The following DOK6 variants were observed in gnomAD, a reference collection of about 807,000 sequenced individuals.
DOK6 encodes the protein downstream of tyrosine kinase 6.
A neutral mutation model predicts 44.0 loss-of-function variants in DOK6; 22 were observed. The ratio of observed to expected loss-of-function variants is 0.50; its 90% confidence interval spans 0.36 to 0.71. The LOEUF is 0.71. Among genes scored for constraint, DOK6 ranks in the 30% least tolerant of loss-of-function variants. DOK6 has a pLI of 0.00. For missense variants in DOK6, 340 were observed against 416.4 expected, an observed-to-expected ratio of 0.82 and a Z score of 1.60; for synonymous variants, 166 against 145.5, an observed-to-expected ratio of 1.14 and a Z score of -1.01.
At chr18:69,797,699 G>C (rs1317204604) in intron 7 of DOK6, among the ~76,000 whole-genome samples, 1 of 151,490 alleles carries the variant, frequency 6.6e-6, no homozygotes, top group Non-Finnish European at 1.5e-5. Context: ...TTTTCTATTT[G>C]ATGTTACAGA....
intron 7 of DOK6, among the ~76,000 whole-genome samples, chr18:69,798,449 G>A (rs1219634465): frequency 1.3e-5 from 2 of 152,024 alleles, no homozygotes; most frequent in African/African-American, 4.8e-5. Flanking sequence ...CTGTATCTGT[G>A]TGTATTTTAA....
intron 1 of DOK6, among the ~76,000 whole-genome samples, chr18:69,522,539 T>G (rs1271056052): frequency 2.0e-5 from 3 of 152,028 alleles, no homozygotes; most frequent in Non-Finnish European, 4.4e-5. Context: ...TTGTCTAAAT[T>G]TTTAGGCTCA....
intron 3 of DOK6, among the ~76,000 whole-genome samples, chr18:69,641,565 T>G (rs1665883581): frequency 6.6e-6 from 1 of 152,210 alleles, no homozygotes; most frequent in Admixed American, 6.5e-5. Flanking sequence ...AAGCTTGTTT[T>G]CATTGCGGTT....
At chr18:69,532,760 G>A (rs1376023343) in intron 1 of DOK6, 2 of 152,278 alleles carry the variant, frequency 1.3e-5, no homozygotes, top group Non-Finnish European at 2.9e-5. Context: ...TCCTCAGGAG[G>A]GTAGTGTGGG....
rs375946593 is a variant in DOK6 at position 69,467,098 on chromosome 18, T to C, written c.66+65788T>C. Among the ~76,000 whole-genome samples, 6 of 152,284 alleles carry C rather than the reference T, an allele frequency of 3.9e-5. 1 individual carries two copies. The South Asian group carries it at 1.2e-3, about 32-fold the overall frequency. On this transcript the variant is annotated intron_variant, in intron 1 of 7. Coordinates refer to ENST00000382713, the MANE Select transcript of DOK6 (RefSeq NM_152721.6). The stretch of plus-strand genomic sequence containing the variant: ...AATTTTTGTAAGGATCAATTCTGTC[T>C]GCATAATATGATACAGGCAAACTAT...
intron 1 of DOK6, 74 bp from the exon 2 acceptor site, chr18:69,564,413 T>C: frequency 7.8e-7 from 1 of 1,284,692 alleles, no homozygotes; most frequent in Non-Finnish European, 1.1e-6. Context: ...AAAAAATTGA[T>C]TAATTGAATC....
At chr18:69,432,103 A>G (rs1172237737) in intron 1 of DOK6, among the ~76,000 whole-genome samples, 1 of 152,228 alleles carries the variant, frequency 6.6e-6, no homozygotes, top group African/African-American at 2.4e-5. Flanking sequence ...ACAATATAGT[A>G]TACAATTAGT....
chr18:69,487,571 T>C (rs1180293561), intron 1 of DOK6, among the ~76,000 whole-genome samples: 1 of 152,208 alleles, frequency 6.6e-6, no homozygotes, highest in Non-Finnish European at 1.5e-5. Flanking sequence ...AAACTTTTAG[T>C]GCTGACTTTA....
intron 7 of DOK6, among the ~76,000 whole-genome samples, chr18:69,773,621 G>A (rs963472794): frequency 6.6e-6 from 1 of 151,982 alleles, no homozygotes; most frequent in African/African-American, 2.4e-5. Flanking sequence ...AATTTATGTG[G>A]AGTATATGAA....
At chr18:69,410,957 C>T (rs1340006295) in intron 1 of DOK6, among the ~76,000 whole-genome samples, 2 of 152,210 alleles carry the variant, frequency 1.3e-5, no homozygotes, top group African/African-American at 4.8e-5. Flanking sequence ...CACCTTGCTC[C>T]TGATATCTAT....
rs2144732337 is a variant in DOK6, at chr18:69,732,361, A to T, written c.600-6604A>T. ...TCCCATTAAACCCTCATTAACATGT[A>T]ACCATATAATAAGGATAATGGTAAT... On this transcript the variant is annotated intron_variant, in intron 5 of 7. Transcript: ENST00000382713. Among the ~76,000 whole-genome samples, 3 of 152,328 alleles carry T rather than the reference A, an allele frequency of 2.0e-5. No homozygotes were observed. The Middle Eastern group carries it at 0.01, about 518-fold the overall frequency.
intron 7 of DOK6, among the ~76,000 whole-genome samples, chr18:69,804,592 G>A (rs1292470450): frequency 6.6e-6 from 1 of 152,108 alleles, no homozygotes; most frequent in Non-Finnish European, 1.5e-5. Flanking sequence ...GAAAATCAGT[G>A]GCATGTATTA....
rs1425842342 is a variant in DOK6, at chr18:69,843,440, A to C, written c.*2057A>C. 1 of 152,266 alleles carries C rather than the reference A, an allele frequency of 6.6e-6. No individual in the cohort carries two copies. The highest frequency in any genetic ancestry group is 2.4e-5 in the African/African-American group (1 of 41,474). 9.4% of individuals were successfully genotyped at this position (152,266 alleles called of 1,614,324 possible). A position where few individuals can be genotyped will look rare whatever the true frequency, so the allele number is the denominator to read the frequency against. ...TCCTAGTGGGGCCACATTCAGAGCA[A>C]GCCTCTCGCCGGCTCACTCAGTTGA... On this transcript the variant is annotated 3_prime_UTR_variant, in exon 8 of 8. Transcript: ENST00000382713.
At chr18:69,502,713 G>T (rs564177054) in intron 1 of DOK6, among the ~76,000 whole-genome samples, 1 of 151,952 alleles carries the variant, frequency 6.6e-6, no homozygotes, top group Admixed American at 6.6e-5. Flanking sequence ...CTTCAAAAGA[G>T]CATTCACATG....
At chr18:69,719,126 T>C (rs1291456950) in intron 5 of DOK6, among the ~76,000 whole-genome samples, 2 of 152,170 alleles carry the variant, frequency 1.3e-5, no homozygotes, top group African/African-American at 4.8e-5. Flanking sequence ...GTTTAATTAT[T>C]GCAAATCAGC....
intron 5 of DOK6, among the ~76,000 whole-genome samples, chr18:69,706,665 T>TC (rs1568339536): frequency 5.0e-5 from 4 of 80,228 alleles, no homozygotes; most frequent in Non-Finnish European, 7.5e-5. Flanking sequence ...CCTAATGCTA[T>TC]CCCTCCCCCC....
chr18:69,646,964 C>T (rs1005568631), intron 3 of DOK6, among the ~76,000 whole-genome samples: 7 of 152,136 alleles, frequency 4.6e-5, no homozygotes, highest in Non-Finnish European at 7.4e-5. Flanking sequence ...ATTTATCTAT[C>T]TAGCTATATA....
intron 1 of DOK6, among the ~76,000 whole-genome samples, chr18:69,555,261 C>A (rs1301581149): frequency 6.6e-6 from 1 of 152,078 alleles, no homozygotes; most frequent in African/African-American, 2.4e-5. Context: ...TATTAAGGAT[C>A]CACCAGATTC....
intron 5 of DOK6, among the ~76,000 whole-genome samples, chr18:69,700,940 A>T (rs1986505011): frequency 6.6e-6 from 1 of 152,226 alleles, no homozygotes; most frequent in South Asian, 2.1e-4. Context: ...AAGGCATATC[A>T]CTTGGTATAA....
Sources: allele counts gnomAD v4.1 joint callset (sites outside exome capture counted in the v4.1 genomes callset), GRCh38; gene constraint gnomAD v4.1.1; transcripts MANE v1.5; gene names NCBI Gene and HGNC (gene_info 2026-07-23, HGNC 2026-07-21).